The following ZNF454 variants were observed in gnomAD, a reference collection of about 807,000 sequenced individuals.
ZNF454 encodes zinc finger protein 454.
Under a neutral mutation model 48.2 loss-of-function variants are expected in ZNF454, and 30 were observed. The observed-to-expected ratio is 0.62, with a 90% CI of 0.47 to 0.84. ZNF454 has a LOEUF of 0.84. ZNF454 is among the 40% of genes least tolerant of loss of function. ZNF454 has a pLI of 0.00. For missense variants in ZNF454, 510 were observed against 623.1 expected (o/e 0.82, Z 1.93); for synonymous variants, 204 against 211.4 (o/e 0.97, Z 0.30).
At chr5:178,966,626 T>G (rs1373582914), downstream of ZNF454, among the ~76,000 whole-genome samples, 1 of 152,072 alleles carries the variant, frequency 6.6e-6, no homozygotes, top group Non-Finnish European at 1.5e-5. Flanking sequence ...AAATTAAAGC[T>G]GAAAAGCAAA....
At chr5:178,947,022 C>G (rs1217053914) in intron 4 of ZNF454, 36 bp downstream of exon 4, 1 of 1,584,226 alleles carries the variant, frequency 6.3e-7, no homozygotes, top group Non-Finnish European at 8.6e-7. Context: ...CCGGGAGGAG[C>G]CCTGCTGGGT....
the ZNF454 span, chr5:178,983,293 C>A: frequency 1.5e-6 from 2 of 1,355,358 alleles, no homozygotes; most frequent in Non-Finnish European, 2.1e-6. Context: ...GACAGAGGCC[C>A]CTGCGGGTCA....
chr5:178,986,705 G>A, the ZNF454 span: 148 of 1,604,948 alleles, frequency 9.2e-5, no homozygotes, highest in African/African-American at 1.8e-3. Flanking sequence ...AGGCTGCACA[G>A]AGACGAGGGC....
chr5:178,960,415 G>A (rs752218296), intron 4 of ZNF454, among the ~76,000 whole-genome samples: 13 of 151,436 alleles, frequency 8.6e-5, no homozygotes, highest in Non-Finnish European at 1.5e-4. Flanking sequence ...GTGCCACCAC[G>A]CCCGGCTAAT....
chr5:178,956,679 A>AT (rs1759768896), intron 4 of ZNF454, among the ~76,000 whole-genome samples: 83 of 50,816 alleles, frequency 1.6e-3, no homozygotes, highest in East Asian at 9.8e-3. Flanking sequence ...TATTTAATTT[A>AT]TTTATTTATT....
chr5:178,948,135 G>A (rs879840114), intron 4 of ZNF454: 7 of 152,008 alleles, frequency 4.6e-5, no homozygotes, highest in Non-Finnish European at 5.9e-5. Context: ...GCATGGTGTC[G>A]AATTCCTGAT....
chr5:178,986,868 C>T, the ZNF454 span: 2 of 1,613,994 alleles, frequency 1.2e-6, no homozygotes, highest in African/African-American at 2.7e-5. Context: ...CCCACTGGCC[C>T]ACTGCCTGGT....
intron 4 of ZNF454, among the ~76,000 whole-genome samples, chr5:178,947,865 G>A (rs1262428714): frequency 6.6e-6 from 1 of 152,066 alleles, no homozygotes. Flanking sequence ...AAATAACTGT[G>A]TACCTGGAAT....
downstream of ZNF454, chr5:178,968,964 G>A (rs149744489): frequency 2.7e-4 from 118 of 430,028 alleles, no homozygotes; most frequent in African/African-American, 2.1e-3. Flanking sequence ...CCCTGAGTTC[G>A]CCTCTCATCA....
chr5:178,962,467 A>G (rs1486502497), intron 4 of ZNF454, among the ~76,000 whole-genome samples: 1 of 151,352 alleles, frequency 6.6e-6, no homozygotes, highest in Non-Finnish European at 1.5e-5. Flanking sequence ...CTGCTTATGT[A>G]TTTTTGTAGC....
downstream of ZNF454, chr5:178,969,667 C>T (rs577229094): frequency 2.4e-5 from 11 of 456,646 alleles, no homozygotes; most frequent in Admixed American, 7.0e-5. Flanking sequence ...CCAGTCTCCC[C>T]GCCCCTCACC....
At chr5:178,968,228 T>G (rs1760195366), downstream of ZNF454, among the ~76,000 whole-genome samples, 1 of 151,806 alleles carries the variant, frequency 6.6e-6, no homozygotes, top group African/African-American at 2.4e-5. Context: ...GCAGTGAAGA[T>G]GGGAGGCCAA....
chr5:178,976,050 T>A, the ZNF454 span: 1 of 435,656 alleles, frequency 2.3e-6, no homozygotes, highest in South Asian at 1.6e-5. Context: ...GCCACTCTCT[T>A]TGCTTGGTCC....
At chr5:178,952,148 C>T (rs1262381438) in intron 4 of ZNF454, among the ~76,000 whole-genome samples, 2 of 151,996 alleles carry the variant, frequency 1.3e-5, no homozygotes, top group East Asian at 3.9e-4. Context: ...CGCCATTCTC[C>T]TGCCTCAGCC....
intron 4 of ZNF454, among the ~76,000 whole-genome samples, chr5:178,956,462 G>A (rs1232712389): frequency 1.4e-5 from 2 of 140,360 alleles, no homozygotes; most frequent in African/African-American, 2.6e-5. Flanking sequence ...CCCCAACACA[G>A]TTCTCCCGCC....
At chr5:178,985,701 T>TCAAAAAAAG in the ZNF454 span, 1 of 346,348 alleles carries the variant, frequency 2.9e-6, no homozygotes, top group East Asian at 8.4e-5. Flanking sequence ...AGACTCTGTC[T>TCAAAAAAAG]AAAAAAAAAA....
chr5:178,942,845 C>T (rs761045241), intron 2 of ZNF454, 21 bp downstream of exon 2: 1 of 1,607,796 alleles, frequency 6.2e-7, no homozygotes, highest in South Asian at 1.1e-5. Context: ...GTTTCTTCCC[C>T]CTAAATTGCT....
intron 4 of ZNF454, among the ~76,000 whole-genome samples, chr5:178,955,794 A>G (rs920235845): frequency 6.6e-6 from 1 of 152,232 alleles, no homozygotes; most frequent in Non-Finnish European, 1.5e-5. Context: ...CTTCTGGGCC[A>G]GGAGCAGAAG....
Position 178,965,596 on chromosome 5 carries a change from T to A in ZNF454, c.1192T>A (p.Ser398Thr), listed in dbSNP as rs1424077131. The change falls in exon 5 of 5, where the codon TCC (serine) becomes ACC (threonine). Residue 398 changes from serine to threonine, a missense_variant. Physicochemically the swap from Ser to Thr is moderately conservative, Grantham distance 58. Coordinates refer to ENST00000519564, the MANE Select transcript of ZNF454 (RefSeq NM_001178089.3). The surrounding 1 kb of genome is among the most constrained non-coding windows in gnomAD (Gnocchi z 5.2). Reference protein sequence around the residue: ...ECGKAFRDNSSFARHRKIHTG... With the variant: ...ECGKAFRDNSTFARHRKIHTG... ...TGGGAAAGCTTTCAGGGATAATTCA[T>A]CCTTTGCACGACATCGGAAAATTCA... 1 of 1,613,944 alleles carries A rather than the reference T, an allele frequency of 6.2e-7. No individual in the cohort carries two copies. Among genetic ancestry groups the A allele is most frequent in the South Asian group, 1.1e-5 (1 of 91,056 alleles).
Sources: gnomAD v4.1 joint callset for allele counts (sites outside exome capture counted in the v4.1 genomes callset) on GRCh38, gnomAD v4.1.1 for gene constraint, Gnocchi (gnomAD v3.1) non-coding constraint, MANE v1.5 for transcripts, NCBI Gene and HGNC (gene_info 2026-07-23, HGNC 2026-07-21) for gene names.